The following CFAP77 variants were observed in gnomAD, a reference collection of about 807,000 sequenced individuals.
The protein encoded by CFAP77 is cilia and flagella associated protein 77.
In CFAP77, 25 loss-of-function variants were observed where a neutral mutation model predicts 31.1. That is an observed-to-expected ratio of 0.80 (90% CI 0.59 to 1.12). CFAP77 has a LOEUF of 1.12. CFAP77 is among the 50% of genes most tolerant of loss of function. The probability of loss-of-function intolerance (pLI) is 0.00; values close to 1 mark genes in which losing one functional copy is unlikely to be tolerated. For synonymous variants in CFAP77, 151 were observed against 159.9 expected, an observed-to-expected ratio of 0.94 and a Z score of 0.42; for missense variants, 377 against 397.3, an observed-to-expected ratio of 0.95 and a Z score of 0.44.
At chr9:132,488,842 A>AC (rs1241112028) in intron 1 of CFAP77, among the ~76,000 whole-genome samples, 2 of 151,976 alleles carry the variant, frequency 1.3e-5, no homozygotes, top group Non-Finnish European at 2.9e-5. Context: ...GAATCCCAGG[A>AC]CCCCCTGGGA....
At chr9:132,535,974 T>G (rs529228920) in intron 3 of CFAP77, among the ~76,000 whole-genome samples, 1 of 152,320 alleles carries the variant, frequency 6.6e-6, no homozygotes, top group East Asian at 1.9e-4. Context: ...CTCTCCCTCA[T>G]TCTACAGGTA....
intron 5 of CFAP77, among the ~76,000 whole-genome samples, chr9:132,550,122 A>G (rs993629065): frequency 2.8e-4 from 43 of 152,178 alleles, no homozygotes; most frequent in Non-Finnish European, 4.4e-5. Context: ...TGAAGGGATG[A>G]CCGAAGCTGA....
intron 3 of CFAP77, among the ~76,000 whole-genome samples, chr9:132,508,452 G>A (rs1000129483): frequency 6.6e-6 from 1 of 151,810 alleles, no homozygotes; most frequent in African/African-American, 2.4e-5. Context: ...GATGATGGGC[G>A]GGAGAGGGGG....
chr9:132,511,452 G>A lies in CFAP77; in HGVS notation c.524+11852G>A, dbSNP rs969589025. Among the ~76,000 whole-genome samples the A allele has an allele frequency of 1.3e-5, 2 of 152,220 alleles. No individual in the cohort carries two copies. Among genetic ancestry groups the A allele is most frequent in the Non-Finnish European group, 2.9e-5 (2 of 68,034 alleles). On this transcript the variant is annotated intron_variant, in intron 3 of 5. Transcript: ENST00000393216. The surrounding 1 kb of genome is among the most constrained non-coding windows in gnomAD (Gnocchi z 5.8). ...AGCATCTCCCCCACCAGACTCAGTGGGGCGGGCCTGGTGTTGCCCACTCCT... is the reference window on the plus strand; with the variant it reads ...AGCATCTCCCCCACCAGACTCAGTGAGGCGGGCCTGGTGTTGCCCACTCCT...
At position 132,537,545 on chromosome 9, in the gene CFAP77, C is replaced by T. The variant is rs970109859; in HGVS notation, c.525-56C>T. On this transcript the variant is annotated intron_variant, in intron 3 of 5. Transcript: ENST00000393216. Reference sequence around the variant, plus strand: ...GCTCCCGGGGGCGGGCGGTGGGGAGCGGGTGCCTCTGGTCTTTCCGGGGCC... The same window carrying T: ...GCTCCCGGGGGCGGGCGGTGGGGAGTGGGTGCCTCTGGTCTTTCCGGGGCC... 2.2e-5 allele frequency: 29 copies of T among 1,342,240 alleles called. 1 individual carries two copies. Among genetic ancestry groups the T allele is most frequent in the African/African-American group, 5.8e-5 (4 of 68,960 alleles). The allele number at this position is 1,342,240 out of a possible 1,614,324, so 83.1% of individuals were successfully genotyped here. A position where few individuals can be genotyped will look rare whatever the true frequency, so the allele number is the denominator to read the frequency against.
chr9:132,572,799 CCAAGA>C lies in CFAP77; in HGVS notation c.*294_*298del. 2 of 424,034 alleles carry C rather than the reference CCAAGA, an allele frequency of 4.7e-6. No homozygotes were observed. The highest frequency in any genetic ancestry group is 8.3e-6 in the Non-Finnish European group (2 of 239,688). The allele number at this position is 424,034 out of a possible 1,614,324, so 26.3% of individuals were successfully genotyped here. On this transcript the variant is annotated 3_prime_UTR_variant, in exon 6 of 6. Transcript: ENST00000393216. ...CTGCCTCTTCTCAAGCCCTCACCTG[CCAAGA>C]CAAGCCCAAATTACAAGACAATTTT...
intron 1 of CFAP77, among the ~76,000 whole-genome samples, chr9:132,438,541 A>ATATATATGTATTTT: frequency 9.2e-6 from 1 of 108,154 alleles, no homozygotes; most frequent in African/African-American, 4.1e-5. Flanking sequence ...ATATATATAT[A>ATATATATGTATTTT]TTTTTTTTTT....
At chr9:132,516,367 AG>A (rs1852146358) in intron 3 of CFAP77, among the ~76,000 whole-genome samples, 1 of 152,158 alleles carries the variant, frequency 6.6e-6, no homozygotes, top group Admixed American at 6.5e-5. Context: ...GTTGAACTCC[AG>A]TTTATTTATA....
intron 1 of CFAP77, among the ~76,000 whole-genome samples, chr9:132,438,525 A>ATATATG (rs1850550698): frequency 8.8e-6 from 1 of 113,126 alleles, no homozygotes; most frequent in Non-Finnish European, 1.7e-5. Flanking sequence ...TATGGTATAT[A>ATATATG]TATATATATA....
At chr9:132,484,038 G>C (rs1851496807) in intron 1 of CFAP77, among the ~76,000 whole-genome samples, 1 of 150,230 alleles carries the variant, frequency 6.7e-6, no homozygotes, top group Non-Finnish European at 1.5e-5. Context: ...CTAGGTTCAA[G>C]AGATTCTCCT....
At chr9:132,522,094 C>T (rs943339753) in intron 3 of CFAP77, among the ~76,000 whole-genome samples, 2 of 152,072 alleles carry the variant, frequency 1.3e-5, no homozygotes, top group Non-Finnish European at 2.9e-5. Flanking sequence ...AGCCCTGGCT[C>T]CTATGAGGAG....
At position 132,495,536 on chromosome 9, in the gene CFAP77, C is replaced by T. The variant is rs1442994548; in HGVS notation, c.196-3159C>T. Among the ~76,000 whole-genome samples the T allele has an allele frequency of 6.6e-6, 1 of 152,138 alleles. No homozygotes were observed. Among genetic ancestry groups the T allele is most frequent in the Non-Finnish European group, 1.5e-5 (1 of 68,032 alleles). ...TTCAAAACAAGCCACCCTGCAGGGT[C>T]CCCATGCACCCGCCTGAAACTCAGA... is the stretch of plus-strand genomic sequence containing the variant. On this transcript the variant is annotated intron_variant, in intron 1 of 5. Transcript: ENST00000393216. This position sits in a 1 kb window ranked among gnomAD's most constrained non-coding sequence, Gnocchi z 4.2.
intron 3 of CFAP77, among the ~76,000 whole-genome samples, chr9:132,524,318 G>A (rs1852317895): frequency 6.6e-6 from 1 of 151,716 alleles, no homozygotes; most frequent in African/African-American, 2.4e-5. Flanking sequence ...AAAGTACCCG[G>A]GGTCAGGCAC....
chr9:132,517,043 G>A lies in CFAP77; in HGVS notation c.524+17443G>A, dbSNP rs549314396. ...CGGGGCTGTGTGAGAACACGAGGGC[G>A]GTCTTCAGAAACCCCATCCGGCAGG... On this transcript the variant is annotated intron_variant, in intron 3 of 5. Coordinates refer to ENST00000393216, the MANE Select transcript of CFAP77 (RefSeq NM_001282957.2). The surrounding 1 kb of genome is among the most constrained non-coding windows in gnomAD (Gnocchi z 4.7). 3.9e-5 allele frequency among the ~76,000 whole-genome samples: 6 copies of A among 152,254 alleles called. No homozygotes were observed. In the South Asian group the frequency reaches 1.0e-3, roughly 26 times the overall value.
At chr9:132,561,839 G>T (rs1829816262) in intron 5 of CFAP77, among the ~76,000 whole-genome samples, 1 of 152,180 alleles carries the variant, frequency 6.6e-6, no homozygotes, top group Non-Finnish European at 1.5e-5. Flanking sequence ...GCAGTAAGAA[G>T]GCAAGGAAAG....
Position 132,443,311 on chromosome 9 carries a change from C to T in CFAP77, c.195+32845C>T, listed in dbSNP as rs530644961. On this transcript the variant is annotated intron_variant, in intron 1 of 5. Coordinates refer to ENST00000393216, the MANE Select transcript of CFAP77 (RefSeq NM_001282957.2). The stretch of plus-strand genomic sequence containing the variant: ...TCTTGTTGCCCAGGCTGGAGTGCAA[C>T]GGCGTGATCTCGGCTCACCGCAATC... Among the ~76,000 whole-genome samples, 8 of 148,416 alleles carry T rather than the reference C, an allele frequency of 5.4e-5. No homozygotes were observed. The South Asian group carries it at 1.3e-3, about 24-fold the overall frequency.
intron 3 of CFAP77, among the ~76,000 whole-genome samples, chr9:132,507,700 C>T (rs1181746486): frequency 6.6e-6 from 1 of 152,178 alleles, no homozygotes; most frequent in Non-Finnish European, 1.5e-5. Context: ...AAGCCACCCA[C>T]CCAAGCTCCT....
chr9:132,550,421 C>T (rs998756650), intron 5 of CFAP77, among the ~76,000 whole-genome samples: 7 of 151,690 alleles, frequency 4.6e-5, no homozygotes, highest in African/African-American at 1.7e-4. Flanking sequence ...ACTTCTAGCT[C>T]ATCTCCAGGA....
Position 132,498,709 on chromosome 9 carries a change from G to GC in CFAP77, c.214dup (p.Arg72ProfsTer11). 1 of 1,611,592 alleles carries GC rather than the reference G, an allele frequency of 6.2e-7. No homozygotes were observed. The highest frequency in any genetic ancestry group is 8.5e-7 in the Non-Finnish European group (1 of 1,178,750). The stretch of plus-strand genomic sequence containing the variant: ...TCCCCCGACAGGCTGAACTCGGCAA[G>GC]CCCCGGGAAAGAAGCTACAGTCTGC... On this transcript the variant is annotated frameshift_variant, in exon 2 of 6. Coordinates refer to ENST00000393216, the MANE Select transcript of CFAP77 (RefSeq NM_001282957.2). LOFTEE classifies it high-confidence loss of function. This position sits in a 1 kb window ranked among gnomAD's most constrained non-coding sequence, Gnocchi z 4.2.
Sources: gnomAD v4.1 joint callset for allele counts (sites outside exome capture counted in the v4.1 genomes callset) on GRCh38, gnomAD v4.1.1 for gene constraint, Gnocchi (gnomAD v3.1) non-coding constraint, MANE v1.5 for transcripts, NCBI Gene and HGNC (gene_info 2026-07-23, HGNC 2026-07-21) for gene names.